Variants in JPH4 observed in about 807,000 individuals in gnomAD.
JPH4 encodes junctophilin 4.
JPH4 carries 18 observed loss-of-function variants against 57.6 expected under a neutral mutation model. The observed-to-expected ratio is 0.31, with a 90% CI of 0.22 to 0.46. The LOEUF (loss-of-function observed/expected upper bound fraction) is 0.46, where lower values mean the gene tolerates loss of function less well. Among genes scored for constraint, JPH4 ranks in the 20% least tolerant of loss-of-function variants. JPH4 has a pLI of 1.00. For missense variants in JPH4, 727 were observed against 911.1 expected (o/e 0.80, Z 2.60); for synonymous variants, 425 against 406.6 (o/e 1.05, Z -0.54).
rs1233025885 is a variant in JPH4 at position 23,577,334 on chromosome 14, G to A, written c.120C>T (p.Ser40=). The part of the protein sequence containing the change: ...CTGPGAQGEY[S]GCWAHGFESL... ...ACTCGAAGCCGTGTGCCCAGCAGCC[G>A]CTGTACTCGCCCTGGGCGCCGGGGC... The change falls in exon 2 of 6, where the codon AGC becomes AGT. Residue 40 remains serine (S), a synonymous_variant. Transcript: ENST00000356300. This position sits in a 1 kb window ranked among gnomAD's most constrained non-coding sequence, Gnocchi z 8.4. 2 of 1,533,544 alleles carry A rather than the reference G, an allele frequency of 1.3e-6. No individual in the cohort carries two copies. The highest frequency in any genetic ancestry group is 1.4e-5 in the African/African-American group (1 of 72,170). The allele number at this position is 1,533,544 out of a possible 1,614,324, so 95.0% of individuals were successfully genotyped here.
In JPH4 at chr14:23,569,467, CAG is replaced by C. The variant is rs1889016401; in HGVS notation, c.*165_*166del. ...AGAAATGAGATAATCTGAAAGAAGA[CAG>C]GGAAAGAAAAAGCGAGAGAAAAAAA... is the stretch of plus-strand genomic sequence containing the variant. On this transcript the variant is annotated 3_prime_UTR_variant, in exon 6 of 6. Coordinates refer to ENST00000356300, the MANE Select transcript of JPH4 (RefSeq NM_001146028.2). The surrounding 1 kb of genome is among the most constrained non-coding windows in gnomAD (Gnocchi z 4.8). 1 of 637,214 alleles carries C rather than the reference CAG, an allele frequency of 1.6e-6. No individual in the cohort carries two copies. Among genetic ancestry groups the C allele is most frequent in the African/African-American group, 1.9e-5 (1 of 53,272 alleles). 39.5% of individuals were successfully genotyped at this position (637,214 alleles called of 1,614,324 possible). A position where few individuals can be genotyped will look rare whatever the true frequency, so the allele number is the denominator to read the frequency against.
At chr14:23,570,894 G>A in intron 5 of JPH4, 34 bp downstream of exon 5, 3 of 1,481,874 alleles carry the variant, frequency 2.0e-6, no homozygotes, top group Non-Finnish European at 2.7e-6. Flanking sequence ...GGCTTTGGGA[G>A]AAGAGGGCAC....
chr14:23,568,611 C>T lies in JPH4; in HGVS notation c.*1023G>A. 3.0e-6 allele frequency: 3 copies of T among 985,922 alleles called. No homozygotes were observed. The highest frequency in any genetic ancestry group is 3.6e-6 in the Non-Finnish European group (3 of 829,962). 61.1% of individuals were successfully genotyped at this position (985,922 alleles called of 1,614,324 possible). ...ACTACTAAACTTGTCACAGCTTCTG[C>T]TTCCATGTGAGCTCCTGTTATCTTG... On this transcript the variant is annotated 3_prime_UTR_variant, in exon 6 of 6. Transcript: ENST00000356300.
Position 23,577,251 on chromosome 14 carries a change from C to T in JPH4, c.203G>A (p.Gly68Asp). 1 of 1,537,186 alleles carries T rather than the reference C, an allele frequency of 6.5e-7. No homozygotes were observed. Among genetic ancestry groups the T allele is most frequent in the Admixed American group, 2.0e-5 (1 of 50,870 alleles). ...GHSYQGHWQQGKREGLGVERK... is the reference protein window; with the variant it reads ...GHSYQGHWQQDKREGLGVERK... ...CTCCACGCCCAGCCCTTCGCGCTTG[C>T]CCTGCTGCCAGTGGCCCTGGTAGCT... Residue 68 changes from glycine to aspartate, a missense_variant, in exon 2 of 6, where the codon GGC (glycine) becomes GAC (aspartate). Coordinates refer to ENST00000356300, the MANE Select transcript of JPH4 (RefSeq NM_001146028.2). This position sits in a 1 kb window ranked among gnomAD's most constrained non-coding sequence, Gnocchi z 8.4.
intron 3 of JPH4, among the ~76,000 whole-genome samples, chr14:23,572,412 G>A (rs1889175409): frequency 6.6e-6 from 1 of 151,752 alleles, no homozygotes; most frequent in East Asian, 1.9e-4. Flanking sequence ...TCTCTGTGGG[G>A]TCTAGCACAG....
chr14:23,569,133 GCC>G lies in JPH4; in HGVS notation c.*499_*500del, dbSNP rs1888977368. On this transcript the variant is annotated 3_prime_UTR_variant, in exon 6 of 6. Coordinates refer to ENST00000356300, the MANE Select transcript of JPH4 (RefSeq NM_001146028.2). This position sits in a 1 kb window ranked among gnomAD's most constrained non-coding sequence, Gnocchi z 4.8. The stretch of plus-strand genomic sequence containing the variant: ...TCACTAGGCCTCAGAGGGACAGCAG[GCC>G]CCTTAGGCTAGGGAGCCACAGCAGC... 1 of 176,504 alleles carries G rather than the reference GCC, an allele frequency of 5.7e-6. No homozygotes were observed. The allele number at this position is 176,504 out of a possible 1,614,324, so 10.9% of individuals were successfully genotyped here.
rs763565459 is a variant in JPH4 at position 23,575,597 on chromosome 14, T to G, written c.1151+88A>C. The G allele has an allele frequency of 6.0e-6, 9 of 1,503,230 alleles. No homozygotes were observed. Among genetic ancestry groups the G allele is most frequent in the Non-Finnish European group, 1.8e-6 (2 of 1,115,378 alleles). 93.1% of individuals were successfully genotyped at this position (1,503,230 alleles called of 1,614,324 possible). A position where few individuals can be genotyped will look rare whatever the true frequency, so the allele number is the denominator to read the frequency against. ...ATAGCAGGCCCTAGGCCTTGGGCCTTGGGCCTCCCTTAGGCACACCCGCCT... is the reference window on the plus strand; with the variant it reads ...ATAGCAGGCCCTAGGCCTTGGGCCTGGGGCCTCCCTTAGGCACACCCGCCT... On this transcript the variant is annotated intron_variant, in intron 3 of 5. Transcript: ENST00000356300. This position sits in a 1 kb window ranked among gnomAD's most constrained non-coding sequence, Gnocchi z 6.9.
In JPH4 at chr14:23,571,744, G is replaced by A; in HGVS notation, c.1270+58C>T. Reference sequence around the variant, plus strand: ...GCTTCTCATCTGTTTCCCCACACCTGAGCCTCTCTAGCTCCCTAGGGGCCT... The same window carrying A: ...GCTTCTCATCTGTTTCCCCACACCTAAGCCTCTCTAGCTCCCTAGGGGCCT... On this transcript the variant is annotated intron_variant, in intron 4 of 5. Coordinates refer to ENST00000356300, the MANE Select transcript of JPH4 (RefSeq NM_001146028.2). The surrounding 1 kb of genome is among the most constrained non-coding windows in gnomAD (Gnocchi z 4.6). 6.8e-7 allele frequency: 1 copy of A among 1,477,534 alleles called. No individual in the cohort carries two copies. The highest frequency in any genetic ancestry group is 1.7e-5 in the Admixed American group (1 of 58,940). The allele number at this position is 1,477,534 out of a possible 1,614,324, so 91.5% of individuals were successfully genotyped here. A position where few individuals can be genotyped will look rare whatever the true frequency, so the allele number is the denominator to read the frequency against.
rs1328074434 is a variant in JPH4 at position 23,576,521 on chromosome 14, T to C, written c.380-65A>G. Reference sequence around the variant, plus strand: ...GCCGCTGGGCTCCTTGCGCCCCAAGTCCCAAGCGCCCCTGGAAGCCCAAGC... The same window carrying C: ...GCCGCTGGGCTCCTTGCGCCCCAAGCCCCAAGCGCCCCTGGAAGCCCAAGC... On this transcript the variant is annotated intron_variant, in intron 2 of 5. Coordinates refer to ENST00000356300, the MANE Select transcript of JPH4 (RefSeq NM_001146028.2). The surrounding 1 kb of genome is among the most constrained non-coding windows in gnomAD (Gnocchi z 8.0). 2 of 1,292,984 alleles carry C rather than the reference T, an allele frequency of 1.5e-6. No homozygotes were observed. Among genetic ancestry groups the C allele is most frequent in the Non-Finnish European group, 2.0e-6 (2 of 1,011,092 alleles). 80.1% of individuals were successfully genotyped at this position (1,292,984 alleles called of 1,614,324 possible).
Position 23,577,295 on chromosome 14 carries a change from G to T in JPH4, c.159C>A (p.Phe53Leu). 1 of 1,537,590 alleles carries T rather than the reference G, an allele frequency of 6.5e-7. No individual in the cohort carries two copies. Among genetic ancestry groups the T allele is most frequent in the Middle Eastern group, 1.7e-4 (1 of 5,916 alleles). Reference protein sequence around the residue: ...WAHGFESLGVFTGPGGHSYQG... With the variant: ...WAHGFESLGVLTGPGGHSYQG... ...GGTAGCTGTGTCCGCCGGGCCCCGT[G>T]AAGACGCCCAGTGACTCGAAGCCGT... The change falls in exon 2 of 6, where the codon TTC becomes TTA. Residue 53 changes from phenylalanine (F) to leucine (L), a missense_variant. By Grantham distance (22) the Phe-to-Leu change is conservative (BLOSUM62 0). This residue lies in a region of JPH4 where 83 missense variants were observed against 135.4 expected (regional missense o/e 0.61). Transcript: ENST00000356300. This position sits in a 1 kb window ranked among gnomAD's most constrained non-coding sequence, Gnocchi z 8.4.
In JPH4 at chr14:23,575,974, C is replaced by A; in HGVS notation, c.862G>T (p.Ala288Ser). ...ATEVYAGEWR[A>S]DRRSGFGVSQ... ...ACGCCGAAGCCGCTGCGCCGATCTGCGCGCCACTCGCCCGCGTACACCTCT... is the reference window on the plus strand; with the variant it reads ...ACGCCGAAGCCGCTGCGCCGATCTGAGCGCCACTCGCCCGCGTACACCTCT... Residue 288 changes from alanine to serine, a missense_variant, in exon 3 of 6, where the codon GCA (alanine) becomes TCA (serine). Around this residue, in one of 7 missense-constraint regions of JPH4, gnomAD observed 112 missense variants for 199.4 expected, o/e 0.56. Transcript: ENST00000356300. The surrounding 1 kb of genome is among the most constrained non-coding windows in gnomAD (Gnocchi z 6.9). The A allele has an allele frequency of 6.6e-7, 1 of 1,523,604 alleles. No individual in the cohort carries two copies. The highest frequency in any genetic ancestry group is 8.7e-7 in the Non-Finnish European group (1 of 1,146,070). The allele number at this position is 1,523,604 out of a possible 1,614,324, so 94.4% of individuals were successfully genotyped here.
chr14:23,568,139 T>A lies in JPH4; in HGVS notation c.*1495A>T. The A allele has an allele frequency of 1.0e-6, 1 of 985,700 alleles. No individual in the cohort carries two copies. The highest frequency in any genetic ancestry group is 1.2e-6 in the Non-Finnish European group (1 of 829,890). 61.1% of individuals were successfully genotyped at this position (985,700 alleles called of 1,614,324 possible). A position where few individuals can be genotyped will look rare whatever the true frequency, so the allele number is the denominator to read the frequency against. The stretch of plus-strand genomic sequence containing the variant: ...CGGCACTGTTGTAGTTTAACTTCAA[T>A]CCCAAATTCCATGAAATAGAAATCA... On this transcript the variant is annotated 3_prime_UTR_variant, in exon 6 of 6. Coordinates refer to ENST00000356300, the MANE Select transcript of JPH4 (RefSeq NM_001146028.2).
chr14:23,574,780 A>T (rs960292350), intron 3 of JPH4, among the ~76,000 whole-genome samples: 3 of 152,202 alleles, frequency 2.0e-5, no homozygotes, highest in Non-Finnish European at 2.9e-5. Flanking sequence ...ATTAAAATTC[A>T]TCACACCTGC....
chr14:23,577,562 G>T lies in JPH4; in HGVS notation c.-109C>A. ...CGAGGCCTCGGGGCGGGGGCAGTTA[G>T]ACCGGGGCCGGGCGGGGGGGCCCCA... On this transcript the variant is annotated 5_prime_UTR_variant, in exon 2 of 6. Transcript: ENST00000356300. This position sits in a 1 kb window ranked among gnomAD's most constrained non-coding sequence, Gnocchi z 8.4. 1 of 948,980 alleles carries T rather than the reference G, an allele frequency of 1.1e-6. No individual in the cohort carries two copies. Among genetic ancestry groups the T allele is most frequent in the South Asian group, 2.5e-5 (1 of 40,482 alleles). The allele number at this position is 948,980 out of a possible 1,614,324, so 58.8% of individuals were successfully genotyped here. A position where few individuals can be genotyped will look rare whatever the true frequency, so the allele number is the denominator to read the frequency against.
Position 23,571,807 on chromosome 14 carries a change from G to T in JPH4, c.1265C>A (p.Ala422Asp), listed in dbSNP as rs924263975. 7.4e-6 allele frequency: 12 copies of T among 1,612,070 alleles called. No individual in the cohort carries two copies. The highest frequency in any genetic ancestry group is 1.0e-5 in the Non-Finnish European group (12 of 1,179,618). Reference sequence around the variant, plus strand: ...CCCAGCTGTCCATGCCTCACCTGGGGCCTCTAGCATGGGCTGCAGGTCCTG... The same window carrying T: ...CCCAGCTGTCCATGCCTCACCTGGGTCCTCTAGCATGGGCTGCAGGTCCTG... ...IAQDLQPMLE[A>D]PGRRPRQDSE... The change falls in exon 4 of 6, where the codon GCC (alanine) becomes GAC (aspartate). Residue 422 changes from alanine to aspartate, a missense_variant. Coordinates refer to ENST00000356300, the MANE Select transcript of JPH4 (RefSeq NM_001146028.2). The surrounding 1 kb of genome is among the most constrained non-coding windows in gnomAD (Gnocchi z 4.6).
At position 23,571,497 on chromosome 14, in the gene JPH4, T is replaced by C. The variant is rs774036843; in HGVS notation, c.1271-37A>G. 1 of 1,584,566 alleles carries C rather than the reference T, an allele frequency of 6.3e-7. No homozygotes were observed. Among genetic ancestry groups the C allele is most frequent in the South Asian group, 1.1e-5 (1 of 88,820 alleles). The stretch of plus-strand genomic sequence containing the variant: ...TAGCTGAGAATCAGAGGGGCCTAAC[T>C]GGCCTTGGGCTGGAGTGGCTGCAGC... On this transcript the variant is annotated intron_variant, in intron 4 of 5. Transcript: ENST00000356300. The surrounding 1 kb of genome is among the most constrained non-coding windows in gnomAD (Gnocchi z 4.6).
At position 23,571,454 on chromosome 14, in the gene JPH4, C is replaced by T. The variant is rs746143948; in HGVS notation, c.1277G>A (p.Arg426Lys). 6.3e-7 allele frequency: 1 copy of T among 1,598,850 alleles called. No homozygotes were observed. Among genetic ancestry groups the T allele is most frequent in the African/African-American group, 1.3e-5 (1 of 75,016 alleles). Reference sequence around the variant, plus strand: ...GGAACCTTCTGAGTCCTGCCTGGGTCTGCGGCCTGGGTAGGGATAGCTGAG... The same window carrying T: ...GGAACCTTCTGAGTCCTGCCTGGGTTTGCGGCCTGGGTAGGGATAGCTGAG... Reference protein sequence around the residue: ...LQPMLEAPGRRPRQDSEGSDT... With the variant: ...LQPMLEAPGRKPRQDSEGSDT... The change falls in exon 5 of 6, where the codon AGA (arginine) becomes AAA (lysine). Residue 426 changes from arginine (R) to lysine (K), a missense_variant. Arg to Lys is a conservative substitution (Grantham distance 26). Transcript: ENST00000356300. This position sits in a 1 kb window ranked among gnomAD's most constrained non-coding sequence, Gnocchi z 4.6.
rs1889241636 is a variant in JPH4 at position 23,575,145 on chromosome 14, T to C, written c.1151+540A>G. On this transcript the variant is annotated intron_variant, in intron 3 of 5. Coordinates refer to ENST00000356300, the MANE Select transcript of JPH4 (RefSeq NM_001146028.2). The surrounding 1 kb of genome is among the most constrained non-coding windows in gnomAD (Gnocchi z 6.9). ...TAAAAGAAGGCAGAGGGGGCAAAAC[T>C]GGGAGAGACTATCTTTTCAGGTGGA... is the stretch of plus-strand genomic sequence containing the variant. The C allele has an allele frequency of 6.5e-6, 1 of 154,204 alleles. No individual in the cohort carries two copies. The highest frequency in any genetic ancestry group is 1.4e-5 in the Non-Finnish European group (1 of 69,550). 9.6% of individuals were successfully genotyped at this position (154,204 alleles called of 1,614,324 possible). A position where few individuals can be genotyped will look rare whatever the true frequency, so the allele number is the denominator to read the frequency against.
rs189783859 is a variant in JPH4, at chr14:23,571,419, G to C, written c.1312C>G (p.Pro438Ala). 3.8e-6 allele frequency: 6 copies of C among 1,599,428 alleles called. No individual in the cohort carries two copies. Among genetic ancestry groups the C allele is most frequent in the Non-Finnish European group, 5.1e-6 (6 of 1,179,792 alleles). ...RQDSEGSDTEPLDEDSPGVYE... is the reference protein window; with the variant it reads ...RQDSEGSDTEALDEDSPGVYE... The stretch of plus-strand genomic sequence containing the variant: ...ACCCCAGGGCTGTCCTCATCCAGGG[G>C]CTCCGTGTCGGAACCTTCTGAGTCC... Residue 438 changes from proline to alanine, a missense_variant, in exon 5 of 6, where the codon CCC becomes GCC. Coordinates refer to ENST00000356300, the MANE Select transcript of JPH4 (RefSeq NM_001146028.2). This position sits in a 1 kb window ranked among gnomAD's most constrained non-coding sequence, Gnocchi z 4.6.
Sources: allele counts gnomAD v4.1 joint callset (sites outside exome capture counted in the v4.1 genomes callset), GRCh38; gene constraint gnomAD v4.1.1; regional missense constraint gnomAD v4.1.1; non-coding constraint Gnocchi (gnomAD v3.1); transcripts MANE v1.5; gene names NCBI Gene and HGNC (gene_info 2026-07-23, HGNC 2026-07-21).